Variants in DPP6 observed in about 807,000 individuals in gnomAD.
DPP6 encodes the protein dipeptidyl peptidase like 6, also known as A-type potassium channel modulatory protein DPP6.
DPP6 carries 69 observed loss-of-function variants against 122.6 expected under a neutral mutation model. The ratio of observed to expected loss-of-function variants is 0.56; its 90% CI spans 0.46 to 0.69. The LOEUF (loss-of-function observed/expected upper bound fraction) is 0.69. Among genes scored for constraint, DPP6 ranks in the 30% least tolerant of loss-of-function variants. The pLI is 0.00. For missense variants in DPP6, 928 were observed against 1,116.9 expected (o/e 0.83, Z 2.41); for synonymous variants, 418 against 433.1 (o/e 0.97, Z 0.43).
intron 7 of DPP6, among the ~76,000 whole-genome samples, chr7:154,704,917 T>C (rs1265765642): frequency 2.0e-5 from 3 of 152,190 alleles, no homozygotes; most frequent in African/African-American, 7.2e-5. Context: ...TGTTTTTATC[T>C]TTGAGATAGA....
At chr7:154,695,832 C>T (rs963408647) in intron 7 of DPP6, among the ~76,000 whole-genome samples, 1 of 152,178 alleles carries the variant, frequency 6.6e-6, no homozygotes, top group Non-Finnish European at 1.5e-5. Flanking sequence ...ACACTCTGGA[C>T]AGGCAGGAGA....
At chr7:153,939,658 T>A (rs552927682) in intron 1 of DPP6, among the ~76,000 whole-genome samples, 1 of 152,306 alleles carries the variant, frequency 6.6e-6, no homozygotes, top group African/African-American at 2.4e-5. Flanking sequence ...TTGTGCTAGA[T>A]TTAAGAAGAT....
intron 1 of DPP6, among the ~76,000 whole-genome samples, chr7:153,995,619 GGCA>G (rs1039167225): frequency 6.9e-6 from 1 of 144,004 alleles, no homozygotes; most frequent in Non-Finnish European, 1.5e-5. Flanking sequence ...GAATGAAGAA[GGCA>G]GATGCAATGT....
chr7:154,083,418 T>G (rs7357247), intron 1 of DPP6, among the ~76,000 whole-genome samples: 94,130 of 150,758 alleles, frequency 0.62, 29,644 homozygotes, highest in South Asian at 0.68. Context: ...GAGGCCTATA[T>G]ACATGGAAGT....
chr7:153,920,556 TCTCTCTC>T (rs1341564487), intron 1 of DPP6, among the ~76,000 whole-genome samples: 2 of 70,044 alleles, frequency 2.9e-5, no homozygotes. Context: ...TTTTCTTTTA[TCTCTCTC>T]TTTTTTTTTT....
At chr7:154,393,279 A>G (rs1304587788) in intron 1 of DPP6, among the ~76,000 whole-genome samples, 1 of 152,324 alleles carries the variant, frequency 6.6e-6, no homozygotes, top group African/African-American at 2.4e-5. Flanking sequence ...TGCAATCTGA[A>G]TGCTCTGTGC....
At chr7:154,867,830 G>C (rs1012273287) in intron 17 of DPP6, among the ~76,000 whole-genome samples, 165 bp from the exon 18 acceptor site, 1 of 152,128 alleles carries the variant, frequency 6.6e-6, no homozygotes, top group Non-Finnish European at 1.5e-5. Context: ...CATAACTTGA[G>C]CGTGTTTTTT....
At chr7:153,984,932 T>G (rs2531089) in intron 1 of DPP6, among the ~76,000 whole-genome samples, 330 of 152,296 alleles carry the variant, frequency 2.2e-3, no homozygotes, top group African/African-American at 7.2e-3. Flanking sequence ...GCACTATGCA[T>G]ATTCAGTGCA....
intron 1 of DPP6, among the ~76,000 whole-genome samples, chr7:154,405,476 C>A (rs1042779509): frequency 6.6e-6 from 1 of 152,122 alleles, no homozygotes; most frequent in Non-Finnish European, 1.5e-5. Context: ...GCTGCTTTCC[C>A]CCCCTTGTTT....
chr7:154,213,650 G>A (rs1799851972), intron 1 of DPP6, among the ~76,000 whole-genome samples: 1 of 152,300 alleles, frequency 6.6e-6, no homozygotes, highest in East Asian at 1.9e-4. Context: ...CTCTACAGTT[G>A]TGTGTGCCCT....
intron 6 of DPP6, among the ~76,000 whole-genome samples, chr7:154,639,657 C>T (rs1490785390): frequency 6.6e-6 from 1 of 152,158 alleles, no homozygotes; most frequent in Non-Finnish European, 1.5e-5. Context: ...AAGCTCAGGC[C>T]ATGATAGTCT....
intron 16 of DPP6, among the ~76,000 whole-genome samples, chr7:154,843,924 T>A (rs1459259933): frequency 6.6e-6 from 1 of 152,230 alleles, no homozygotes; most frequent in African/African-American, 2.4e-5. Context: ...GACTCTGAGC[T>A]CCCTAAGAGT....
intron 3 of DPP6, among the ~76,000 whole-genome samples, chr7:154,520,048 A>G (rs1362681409): frequency 2.0e-5 from 3 of 152,336 alleles, no homozygotes; most frequent in South Asian, 2.1e-4. Context: ...ACTGCTCTCA[A>G]AAAACGCTGC....
At chr7:153,897,163 G>A (rs1446175144) in intron 1 of DPP6, among the ~76,000 whole-genome samples, 1 of 152,194 alleles carries the variant, frequency 6.6e-6, no homozygotes, top group East Asian at 1.9e-4. Flanking sequence ...ATGGTTGAAA[G>A]AGCTAAGATT....
At chr7:153,827,912 G>A in the DPP6 span, among the ~76,000 whole-genome samples, 1 of 152,192 alleles carries the variant, frequency 6.6e-6, no homozygotes, top group Non-Finnish European at 1.5e-5. Flanking sequence ...TCCACTGGGG[G>A]TTGTCCAAGG....
At chr7:154,805,292 C>T (rs1025408286) in intron 15 of DPP6, among the ~76,000 whole-genome samples, 5 of 152,200 alleles carry the variant, frequency 3.3e-5, no homozygotes, top group Non-Finnish European at 7.3e-5. Flanking sequence ...TTCTGCCCCC[C>T]CTGCCCCACC....
At chr7:154,631,488 G>C (rs1835404247) in intron 5 of DPP6, among the ~76,000 whole-genome samples, 1 of 152,076 alleles carries the variant, frequency 6.6e-6, no homozygotes, top group Non-Finnish European at 1.5e-5. Context: ...TGTAGACTTT[G>C]CTTGTGAAGG....
intron 2 of DPP6, among the ~76,000 whole-genome samples, chr7:154,459,612 C>T (rs1821097935): frequency 6.6e-6 from 1 of 151,774 alleles, no homozygotes; most frequent in Admixed American, 6.6e-5. Flanking sequence ...GGCAGATCAC[C>T]TGAGGTCAGG....
At chr7:154,631,218 G>A (rs1835388195) in intron 5 of DPP6, among the ~76,000 whole-genome samples, 1 of 152,172 alleles carries the variant, frequency 6.6e-6, no homozygotes, top group Admixed American at 6.5e-5. Context: ...GCAGGTTGGT[G>A]CCTGCCTTCC....
Sources: allele counts gnomAD v4.1 joint callset (sites outside exome capture counted in the v4.1 genomes callset), GRCh38; gene constraint gnomAD v4.1.1; transcripts MANE v1.5; gene names NCBI Gene and HGNC (gene_info 2026-07-23, HGNC 2026-07-21).